The following PLEKHG4B variants were observed in gnomAD, a reference collection of about 807,000 sequenced individuals.
PLEKHG4B encodes the protein pleckstrin homology and RhoGEF domain containing G4B, also known as pleckstrin homology domain-containing family G member 4B.
In PLEKHG4B, 111 loss-of-function variants were observed where a neutral mutation model predicts 121.3. The ratio of observed to expected loss-of-function variants is 0.92; its 90% CI spans 0.78 to 1.07. PLEKHG4B has a LOEUF of 1.07. Ranked by LOEUF, PLEKHG4B falls within the 50% of genes least tolerant of loss-of-function variation. The pLI, the probability that PLEKHG4B is intolerant of heterozygous loss-of-function variation, is 0.00. For synonymous variants in PLEKHG4B, 738 were observed against 725.0 expected (o/e 1.02, Z -0.29); for missense variants, 1,831 against 1,757.8 (o/e 1.04, Z -0.74).
rs1433234187 is a variant in PLEKHG4B at position 140,308 on chromosome 5, A to G, written c.1069A>G (p.Met357Val). The stretch of plus-strand genomic sequence containing the variant: ...TAGACGCTGGTTCAGGGAGTCGTAC[A>G]TGGAAGCCTTGCGGAACCCCATGCC... ...QPRRWFRESYMEALRNPMPLG... is the reference protein window; with the variant it reads ...QPRRWFRESYVEALRNPMPLG... Residue 357 changes from methionine to valine, a missense_variant, in exon 3 of 20, where the codon ATG becomes GTG. Coordinates refer to ENST00000637938, the MANE Select transcript of PLEKHG4B (RefSeq NM_052909.5). The G allele has an allele frequency of 4.0e-6, 6 of 1,500,276 alleles. No individual in the cohort carries two copies. Among genetic ancestry groups the G allele is most frequent in the Admixed American group, 2.4e-5 (1 of 40,938 alleles). The allele number at this position is 1,500,276 out of a possible 1,614,324, so 92.9% of individuals were successfully genotyped here.
At position 155,508 on chromosome 5, in the gene PLEKHG4B, G is replaced by A. The variant is rs886345869; in HGVS notation, c.2208+65G>A. On this transcript the variant is annotated intron_variant, in intron 9 of 19. Transcript: ENST00000637938. The stretch of plus-strand genomic sequence containing the variant: ...CAGGTAGGTGGGGGCATAAAGGTTA[G>A]CCAAACTTGAAAATAAATATTTGGT... 13 of 1,266,400 alleles carry A rather than the reference G, an allele frequency of 1.0e-5. No homozygotes were observed. The East Asian group carries it at 3.0e-4, about 29-fold the overall frequency. The allele number at this position is 1,266,400 out of a possible 1,614,324, so 78.4% of individuals were successfully genotyped here. A position where few individuals can be genotyped will look rare whatever the true frequency, so the allele number is the denominator to read the frequency against.
chr5:148,498 A>G (rs1213714272), intron 6 of PLEKHG4B, among the ~76,000 whole-genome samples: 1 of 152,232 alleles, frequency 6.6e-6, no homozygotes, highest in East Asian at 1.9e-4. Flanking sequence ...ATCAAAAAGA[A>G]TAAAGTACTT....
At chr5:106,870 TGAG>T (rs34802828) in intron 1 of PLEKHG4B, among the ~76,000 whole-genome samples, 10,566 of 152,206 alleles carry the variant, frequency 0.069, 652 homozygotes, top group African/African-American at 0.17. Flanking sequence ...TGGTGAGAGA[TGAG>T]GTGCAGGGCG....
chr5:102,409 T>G (rs1467583923), intron 1 of PLEKHG4B, among the ~76,000 whole-genome samples: 1 of 152,176 alleles, frequency 6.6e-6, no homozygotes, highest in Non-Finnish European at 1.5e-5. Context: ...GTTTCCAAAG[T>G]TGACCTACTA....
At chr5:173,210 G>A (rs1268550440) in intron 17 of PLEKHG4B, 143 bp downstream of exon 17, 11 of 792,448 alleles carry the variant, frequency 1.4e-5, no homozygotes, top group Non-Finnish European at 1.8e-5. Flanking sequence ...TGTTTTCTGC[G>A]GTTCTTGGGT....
intron 1 of PLEKHG4B, among the ~76,000 whole-genome samples, chr5:99,592 A>G (rs1733742751): frequency 1.3e-5 from 2 of 152,026 alleles, no homozygotes; most frequent in South Asian, 4.1e-4. Flanking sequence ...TTGTTCTTGT[A>G]CCCTGCAACT....
intron 16 of PLEKHG4B, among the ~76,000 whole-genome samples, chr5:172,160 C>T (rs1288239460): frequency 1.3e-5 from 2 of 152,172 alleles, no homozygotes; most frequent in Admixed American, 6.5e-5. Flanking sequence ...CCGACGGAAT[C>T]GGGGCTGCTT....
At chr5:150,300 C>T (rs563462768) in intron 6 of PLEKHG4B, among the ~76,000 whole-genome samples, 72 of 152,246 alleles carry the variant, frequency 4.7e-4, no homozygotes, top group African/African-American at 1.7e-3. Context: ...CTCAGAGTAG[C>T]CCAGATCCCA....
chr5:180,027 G>A (rs74412135), intron 18 of PLEKHG4B, among the ~76,000 whole-genome samples: 3,112 of 152,146 alleles, frequency 0.02, 90 homozygotes, highest in African/African-American at 0.069. Context: ...TGTCTGAGAC[G>A]TCCAAACCTT....
chr5:169,655 C>T (rs1283976236), intron 14 of PLEKHG4B, 63 bp downstream of exon 14: 144 of 1,588,622 alleles, frequency 9.1e-5, no homozygotes, highest in Middle Eastern at 2.1e-4. Flanking sequence ...GTCAGAGAGG[C>T]GGGGCCTACA....
intron 7 of PLEKHG4B, among the ~76,000 whole-genome samples, chr5:152,998 TAAAC>T (rs902199953): frequency 2.3e-4 from 35 of 152,348 alleles, no homozygotes; most frequent in African/African-American, 7.7e-4. Context: ...GTGAGTCAAT[TAAAC>T]CTCTTTCCTT....
At position 139,071 on chromosome 5, in the gene PLEKHG4B, C is replaced by A. The variant is rs446806; in HGVS notation, c.244-412C>A. ...AGCACCGGGAGTGCAGAGGAGGGAG[C>A]CCCCCATAGGGTGGCCCTGACCAGG... On this transcript the variant is annotated intron_variant, in intron 2 of 19. Transcript: ENST00000637938. This position sits in a 1 kb window ranked among gnomAD's most constrained non-coding sequence, Gnocchi z 5.0. 1.3e-5 allele frequency among the ~76,000 whole-genome samples: 2 copies of A among 152,152 alleles called. No homozygotes were observed.
intron 1 of PLEKHG4B, among the ~76,000 whole-genome samples, chr5:96,132 G>A (rs1328248808): frequency 6.6e-6 from 1 of 152,234 alleles, no homozygotes; most frequent in Non-Finnish European, 1.5e-5. Context: ...TTGGGATTCA[G>A]GCTGTGCACA....
intron 3 of PLEKHG4B, 24 bp downstream of exon 3, chr5:140,740 C>A: frequency 6.6e-7 from 1 of 1,521,836 alleles, no homozygotes; most frequent in South Asian, 1.3e-5. Context: ...ACGCCCTCCC[C>A]TGCGCACCCC....
intron 3 of PLEKHG4B, 138 bp downstream of exon 3, chr5:140,854 A>G: frequency 2.2e-6 from 1 of 450,208 alleles, no homozygotes; most frequent in Admixed American, 5.4e-5. Flanking sequence ...CCTCCCCTGC[A>G]CACCCCCACC....
intron 1 of PLEKHG4B, among the ~76,000 whole-genome samples, chr5:95,229 C>T (rs747354349): frequency 2.6e-5 from 4 of 152,216 alleles, no homozygotes; most frequent in Non-Finnish European, 5.9e-5. Context: ...GAGGCTGACA[C>T]AGCCTGGACG....
intron 1 of PLEKHG4B, among the ~76,000 whole-genome samples, chr5:102,456 A>C (rs1733849537): frequency 6.6e-6 from 1 of 152,192 alleles, no homozygotes; most frequent in Non-Finnish European, 1.5e-5. Flanking sequence ...AAAGCAAGAT[A>C]TTTTGGTGGG....
chr5:181,697 C>T (rs753272132), intron 19 of PLEKHG4B, 22 bp downstream of exon 19: 1 of 1,603,894 alleles, frequency 6.2e-7, no homozygotes, highest in Non-Finnish European at 8.5e-7. Flanking sequence ...CGGTCCCGCC[C>T]TCACTCACCC....
intron 2 of PLEKHG4B, among the ~76,000 whole-genome samples, chr5:136,675 T>C (rs1284535962): frequency 1.3e-5 from 2 of 152,174 alleles, no homozygotes; most frequent in African/African-American, 4.8e-5. Context: ...AAAACACCAT[T>C]AATAGGAAAA....
Sources: gnomAD v4.1 joint callset for allele counts (sites outside exome capture counted in the v4.1 genomes callset) on GRCh38, gnomAD v4.1.1 for gene constraint, Gnocchi (gnomAD v3.1) non-coding constraint, MANE v1.5 for transcripts, NCBI Gene and HGNC (gene_info 2026-07-23, HGNC 2026-07-21) for gene names.